CSMD1: variants seen among roughly 807,000 people sequenced by gnomAD.
CSMD1 encodes the protein CUB and Sushi multiple domains 1.
CSMD1 carries 213 observed loss-of-function variants against 417.5 expected under a neutral mutation model. The observed-to-expected ratio is 0.51, with a 90% CI of 0.46 to 0.57. CSMD1 has a LOEUF of 0.57. Among genes scored for constraint, CSMD1 ranks in the 20% least tolerant of loss-of-function variants. The pLI is 0.00. For missense variants in CSMD1, 6,923 were observed against 4,529.7 expected (o/e 1.53, Z -15.17); for synonymous variants, 2,862 against 1,736.8 (o/e 1.65, Z -16.11).
At chr8:3,912,866 G>A (rs73499844) in intron 5 of CSMD1, among the ~76,000 whole-genome samples, 1 of 152,162 alleles carries the variant, frequency 6.6e-6, no homozygotes, top group Admixed American at 6.5e-5. Flanking sequence ...GGGCGTAGTA[G>A]TGATGGTGAT....
chr8:3,892,968 T>A (rs1563184587), intron 5 of CSMD1, among the ~76,000 whole-genome samples: 4 of 148,696 alleles, frequency 2.7e-5, no homozygotes, highest in Non-Finnish European at 3.0e-5. Context: ...ACCACAGTGA[T>A]AAAAAAAAAA....
In CSMD1 at chr8:3,966,985, C is replaced by T. The variant is rs541708827; in HGVS notation, c.818+30918G>A. The stretch of plus-strand genomic sequence containing the variant: ...ATTCTGTTTTCAGGAGTGGAGGGTA[C>T]ATCTTCCACTGTAGAGTGTCAATTG... On this transcript the variant is annotated intron_variant, in intron 5 of 69. Transcript: ENST00000635120. 3.3e-5 allele frequency among the ~76,000 whole-genome samples: 5 copies of T among 152,204 alleles called. No homozygotes were observed. The East Asian group carries it at 9.7e-4, about 29-fold the overall frequency.
chr8:3,265,047 G>T (rs1801333895), intron 26 of CSMD1, among the ~76,000 whole-genome samples: 1 of 152,130 alleles, frequency 6.6e-6, no homozygotes, highest in Admixed American at 6.5e-5. Flanking sequence ...AGCATCTTTA[G>T]GGCACTTCAG....
At chr8:3,151,607 G>T (rs985894337) in intron 39 of CSMD1, 94 bp from the exon 40 acceptor site, 3 of 754,370 alleles carry the variant, frequency 4.0e-6, no homozygotes, top group Middle Eastern at 2.4e-4. Context: ...CTGAGAAAGA[G>T]CAAGTCTTCG....
chr8:3,543,786 G>C (rs752575884), intron 10 of CSMD1, among the ~76,000 whole-genome samples: 3 of 152,200 alleles, frequency 2.0e-5, no homozygotes, highest in Non-Finnish European at 4.4e-5. Context: ...ACAATTCACT[G>C]TTTGCAGTCT....
intron 3 of CSMD1, among the ~76,000 whole-genome samples, chr8:4,242,074 C>T (rs1802437687): frequency 6.6e-6 from 1 of 152,136 alleles, no homozygotes. Context: ...TAACCTTTAT[C>T]ACCAGGCAGA....
intron 3 of CSMD1, among the ~76,000 whole-genome samples, chr8:4,386,048 T>C (rs1803427449): frequency 6.6e-6 from 1 of 152,198 alleles, no homozygotes; most frequent in South Asian, 2.1e-4. Flanking sequence ...GTCTGTGCCA[T>C]CCTGTCTTCT....
intron 5 of CSMD1, among the ~76,000 whole-genome samples, chr8:3,790,059 T>A (rs1799652137): frequency 6.6e-6 from 1 of 152,168 alleles, no homozygotes; most frequent in Non-Finnish European, 1.5e-5. Flanking sequence ...TGTAAGAAAT[T>A]AGAGAATGTC....
chr8:4,956,698 T>C (rs1809135884), intron 1 of CSMD1, among the ~76,000 whole-genome samples: 1 of 152,162 alleles, frequency 6.6e-6, no homozygotes, highest in Admixed American at 6.6e-5. Context: ...ACTTACAGTA[T>C]GATGAACTTA....
At chr8:4,006,206 T>A (rs1046655878) in intron 4 of CSMD1, among the ~76,000 whole-genome samples, 1 of 152,142 alleles carries the variant, frequency 6.6e-6, no homozygotes, top group African/African-American at 2.4e-5. Flanking sequence ...TTGCTGAGAA[T>A]TCCGGGACAG....
intron 5 of CSMD1, among the ~76,000 whole-genome samples, chr8:3,871,489 G>A (rs1158315883): frequency 6.6e-6 from 1 of 152,006 alleles, no homozygotes; most frequent in Non-Finnish European, 1.5e-5. Flanking sequence ...TATTTTCATA[G>A]ACTTAATAAA....
chr8:4,976,825 CAT>C (rs1406831950), intron 1 of CSMD1, among the ~76,000 whole-genome samples: 1 of 152,030 alleles, frequency 6.6e-6, no homozygotes, highest in Non-Finnish European at 1.5e-5. Context: ...ATTAAATATT[CAT>C]TTAAGTAAGT....
chr8:4,990,451 C>G (rs972950114), intron 1 of CSMD1, among the ~76,000 whole-genome samples: 1 of 152,076 alleles, frequency 6.6e-6, no homozygotes, highest in Non-Finnish European at 1.5e-5. Context: ...GCAACCTCCA[C>G]CTCCCGGGTT....
intron 2 of CSMD1, among the ~76,000 whole-genome samples, chr8:4,443,109 G>T (rs551727076): frequency 3.9e-5 from 6 of 152,122 alleles, no homozygotes; most frequent in Non-Finnish European, 8.8e-5. Flanking sequence ...ATATAAAAGG[G>T]CTGTAAAAAG....
chr8:3,880,449 T>G (rs959198611), intron 5 of CSMD1, among the ~76,000 whole-genome samples: 3 of 152,220 alleles, frequency 2.0e-5, no homozygotes, highest in Non-Finnish European at 4.4e-5. Flanking sequence ...TTATGTAAAT[T>G]TTAATTCTTG....
At chr8:3,821,520 C>T (rs999770366) in intron 5 of CSMD1, among the ~76,000 whole-genome samples, 6 of 152,086 alleles carry the variant, frequency 3.9e-5, no homozygotes, top group Non-Finnish European at 8.8e-5. Context: ...CGGTGGCTCA[C>T]GCCTGTAATC....
At chr8:3,727,927 G>A (rs80230656) in intron 6 of CSMD1, among the ~76,000 whole-genome samples, 2,289 of 152,202 alleles carry the variant, frequency 0.015, 58 homozygotes, top group African/African-American at 0.051. Flanking sequence ...TTCAAAGAGC[G>A]GCAGGGAGGA....
intron 5 of CSMD1, among the ~76,000 whole-genome samples, chr8:3,825,721 T>C (rs1802020545): frequency 6.6e-6 from 1 of 152,102 alleles, no homozygotes; most frequent in Non-Finnish European, 1.5e-5. Flanking sequence ...TAAGGAAAAT[T>C]TCCACTGAAG....
chr8:4,399,837 T>TA (rs751962634), intron 3 of CSMD1, among the ~76,000 whole-genome samples: 2 of 152,208 alleles, frequency 1.3e-5, no homozygotes, highest in Non-Finnish European at 2.9e-5. Flanking sequence ...TCTAAGCCAT[T>TA]AAGGTGAGAG....
Sources: allele counts gnomAD v4.1 joint callset (sites outside exome capture counted in the v4.1 genomes callset), GRCh38; gene constraint gnomAD v4.1.1; transcripts MANE v1.5; gene names NCBI Gene and HGNC (gene_info 2026-07-23, HGNC 2026-07-21).